Variants in ANKRD17 observed in about 807,000 individuals in gnomAD.
The protein encoded by ANKRD17 is ankyrin repeat domain-containing protein 17.
A neutral mutation model predicts 229.7 loss-of-function variants in ANKRD17; 19 were observed. The ratio of observed to expected loss-of-function variants is 0.08; its 90% CI spans 0.06 to 0.12. ANKRD17 has a LOEUF of 0.12. Among genes scored for constraint, ANKRD17 ranks in the 10% least tolerant of loss-of-function variants. The pLI is 1.00. For synonymous variants in ANKRD17, 1,112 were observed against 1,146.1 expected (o/e 0.97, Z 0.60); for missense variants, 2,176 against 3,176.8 (o/e 0.68, Z 7.57).
At chr4:73,156,310 A>G (rs1731651808) in intron 3 of ANKRD17, 144 bp from the exon 4 acceptor site, 1 of 973,858 alleles carries the variant, frequency 1.0e-6, no homozygotes, top group South Asian at 1.9e-5. Flanking sequence ...CAGTGATGCA[A>G]TCAGCTCACT....
At chr4:73,168,550 T>C (rs1031644544) in intron 2 of ANKRD17, among the ~76,000 whole-genome samples, 1 of 152,186 alleles carries the variant, frequency 6.6e-6, no homozygotes, top group Non-Finnish European at 1.5e-5. Flanking sequence ...GGTTTCAGCC[T>C]ACAGTCTCTA....
intron 1 of ANKRD17, among the ~76,000 whole-genome samples, chr4:73,228,683 A>C (rs1742750005): frequency 6.6e-6 from 1 of 152,208 alleles, no homozygotes; most frequent in African/African-American, 2.4e-5. Flanking sequence ...AGATTAGTAC[A>C]TAAATATTTA....
chr4:73,151,153 G>C (rs1324014698), intron 7 of ANKRD17, among the ~76,000 whole-genome samples: 1 of 152,042 alleles, frequency 6.6e-6, no homozygotes, highest in African/African-American at 2.4e-5. Flanking sequence ...CGAGATTACA[G>C]TCATAAGCCA....
intron 1 of ANKRD17, among the ~76,000 whole-genome samples, chr4:73,226,029 G>A (rs1742454531): frequency 7.7e-6 from 1 of 129,650 alleles, no homozygotes; most frequent in Non-Finnish European, 1.6e-5. Flanking sequence ...AGGTTGGAGT[G>A]CACTGGCACA....
chr4:73,195,540 C>T (rs1737738849), intron 1 of ANKRD17, among the ~76,000 whole-genome samples: 1 of 151,846 alleles, frequency 6.6e-6, no homozygotes, highest in Non-Finnish European at 1.5e-5. Context: ...GACAGAGTCT[C>T]ACTCTGTCAC....
chr4:73,237,441 G>A (rs779205799), intron 1 of ANKRD17, among the ~76,000 whole-genome samples: 11 of 152,138 alleles, frequency 7.2e-5, no homozygotes, highest in Non-Finnish European at 1.3e-4. Context: ...ACAGTCCTTC[G>A]ATCTGGCCAA....
intron 33 of ANKRD17, 91 bp downstream of exon 33, chr4:73,076,849 T>C: frequency 7.0e-7 from 1 of 1,423,382 alleles, no homozygotes; most frequent in Non-Finnish European, 9.5e-7. Context: ...TTCACCAAAC[T>C]CTCTTGCTAT....
At chr4:73,159,292 TTTCA>T (rs1447546862) in intron 3 of ANKRD17, among the ~76,000 whole-genome samples, 1 of 152,228 alleles carries the variant, frequency 6.6e-6, no homozygotes, top group Admixed American at 6.5e-5. Flanking sequence ...CTTTTCTCTC[TTTCA>T]AAGTAGTCTC....
chr4:73,214,401 T>C (rs1321214963), intron 1 of ANKRD17, among the ~76,000 whole-genome samples: 1 of 152,234 alleles, frequency 6.6e-6, no homozygotes, highest in Non-Finnish European at 1.5e-5. Flanking sequence ...TGTGCAAGTG[T>C]GGTCCATGGG....
Position 73,154,026 on chromosome 4 carries a change from T to C in ANKRD17, c.1088A>G (p.His363Arg), listed in dbSNP as rs762929094. 6.2e-7 allele frequency: 1 copy of C among 1,613,304 alleles called. No homozygotes were observed. Among genetic ancestry groups the C allele is most frequent in the South Asian group, 1.1e-5 (1 of 90,986 alleles). Residue 363 changes from histidine to arginine, a missense_variant, in exon 6 of 34, where the codon CAT becomes CGT. Transcript: ENST00000358602. ...AAGAGGGGTATGACCATTTTCATTA[T>C]GGTCCTCAATACTAGCACCGGATTC... ...LLESGASIED[H>R]NENGHTPLME...
rs545014857 is a variant in ANKRD17, at chr4:73,238,092, A to T, written c.393+20184T>A. Among the ~76,000 whole-genome samples, 284 of 146,120 alleles carry T rather than the reference A, an allele frequency of 1.9e-3. 1 individual carries two copies. The highest frequency in any genetic ancestry group is 6.7e-3 in the African/African-American group (272 of 40,364). On this transcript the variant is annotated intron_variant, in intron 1 of 33. Transcript: ENST00000358602. The stretch of plus-strand genomic sequence containing the variant: ...TAAAATAAGGGATTCTCCTAAATTA[A>T]AAAAAAAAAAAACCAACCATCTCAG...
At chr4:73,133,701 A>AT (rs972761670) in intron 16 of ANKRD17, among the ~76,000 whole-genome samples, 8 of 150,686 alleles carry the variant, frequency 5.3e-5, no homozygotes, top group South Asian at 2.1e-4. Context: ...GCCATCTCGT[A>AT]TTTTTTTTTA....
intron 1 of ANKRD17, among the ~76,000 whole-genome samples, chr4:73,233,779 T>C (rs957431740): frequency 6.6e-6 from 1 of 152,200 alleles, no homozygotes; most frequent in South Asian, 2.1e-4. Context: ...AAAACATAGG[T>C]CAAAATCTAT....
At chr4:73,142,091 A>G (rs1729687376) in intron 13 of ANKRD17, 151 bp downstream of exon 13, 2 of 863,724 alleles carry the variant, frequency 2.3e-6, no homozygotes, top group South Asian at 4.4e-5. Flanking sequence ...TGAATATTGT[A>G]CCAGATGTTC....
At chr4:73,220,410 C>T (rs989224423) in intron 1 of ANKRD17, among the ~76,000 whole-genome samples, 10 of 152,096 alleles carry the variant, frequency 6.6e-5, no homozygotes, top group Admixed American at 1.3e-4. Flanking sequence ...TCTATTTAAT[C>T]CCTTACCTTG....
At chr4:73,138,041 A>G (rs1197400473) in intron 15 of ANKRD17, among the ~76,000 whole-genome samples, 4 of 152,186 alleles carry the variant, frequency 2.6e-5, no homozygotes, top group African/African-American at 9.7e-5. Context: ...GATACGTAAT[A>G]TTTAACTCTA....
At position 73,139,514 on chromosome 4, in the gene ANKRD17, T is replaced by C. The variant is rs746416458; in HGVS notation, c.3085+17A>G. The stretch of plus-strand genomic sequence containing the variant: ...GCAAATCATATTTGATACCTGCTCA[T>C]AACAATATAAACCCACCTGCCATGA... On this transcript the variant is annotated intron_variant, in intron 15 of 33. Transcript: ENST00000358602. 4 of 1,595,812 alleles carry C rather than the reference T, an allele frequency of 2.5e-6. No individual in the cohort carries two copies. The highest frequency in any genetic ancestry group is 3.4e-6 in the Non-Finnish European group (4 of 1,170,468).
intron 24 of ANKRD17, among the ~76,000 whole-genome samples, chr4:73,104,428 G>A (rs141947418): frequency 6.6e-6 from 1 of 152,318 alleles, no homozygotes; most frequent in East Asian, 1.9e-4. Flanking sequence ...TGATTTTGTG[G>A]AACAGGTAAG....
chr4:73,135,188 G>T lies in ANKRD17; in HGVS notation c.3163C>A (p.Pro1055Thr). Residue 1055 changes from proline to threonine, a missense_variant, in exon 16 of 34, where the codon CCA (proline) becomes ACA (threonine). Physicochemically the swap from Pro to Thr is conservative, Grantham distance 38 (BLOSUM62 -1). This residue lies in a region of ANKRD17 where 230 missense variants were observed against 252.3 expected (regional missense o/e 0.91). Transcript: ENST00000358602. Reference protein sequence around the residue: ...IAASISQPQTPTPSPIISPSA... With the variant: ...IAASISQPQTTTPSPIISPSA... ...GGAGAGATGATAGGACTTGGAGTTG[G>T]AGTCTGAGGTTGGGAAATGGATGCA... The T allele has an allele frequency of 6.2e-7, 1 of 1,613,904 alleles. No homozygotes were observed. The highest frequency in any genetic ancestry group is 8.5e-7 in the Non-Finnish European group (1 of 1,179,822).
Sources: gnomAD v4.1 joint callset for allele counts (sites outside exome capture counted in the v4.1 genomes callset) on GRCh38, gnomAD v4.1.1 for gene constraint, gnomAD v4.1.1 regional missense constraint, MANE v1.5 for transcripts, NCBI Gene and HGNC (gene_info 2026-07-23, HGNC 2026-07-21) for gene names.